Variants in TBCA observed in about 807,000 individuals in gnomAD.
TBCA encodes tubulin folding cofactor A, also known as tubulin-specific chaperone A.
A neutral mutation model predicts 15.8 loss-of-function variants in TBCA; 6 were observed. That is an observed-to-expected ratio of 0.38 (90% CI 0.21 to 0.75). TBCA has a LOEUF of 0.75. Ranked by LOEUF, TBCA falls within the 30% of genes least tolerant of loss-of-function variation. TBCA has a pLI of 0.46. For synonymous variants in TBCA, 32 were observed against 42.3 expected, an observed-to-expected ratio of 0.76 and a Z score of 0.94; for missense variants, 90 against 131.2, an observed-to-expected ratio of 0.69 and a Z score of 1.53.
chr5:77,761,354 G>C (rs1747633207), intron 1 of TBCA, among the ~76,000 whole-genome samples: 1 of 152,158 alleles, frequency 6.6e-6, no homozygotes, highest in Non-Finnish European at 1.5e-5. Context: ...CGTGCTCTCT[G>C]AAACATGTGC....
At chr5:77,729,575 G>A (rs1746714737) in intron 1 of TBCA, among the ~76,000 whole-genome samples, 1 of 152,162 alleles carries the variant, frequency 6.6e-6, no homozygotes, top group Admixed American at 6.5e-5. Flanking sequence ...TGTTTTATAA[G>A]CTTGCAATCT....
Position 77,775,480 on chromosome 5 carries a change from T to C in TBCA, c.53+725A>G, listed in dbSNP as rs149701979. ...CTGTGCCCCAACCGCCTTGGGCACA[T>C]GTCATCAGGACCTCCTGAGGCTGTG... On this transcript the variant is annotated intron_variant, in intron 1 of 3. Coordinates refer to ENST00000380377, the MANE Select transcript of TBCA (RefSeq NM_004607.3). Among the ~76,000 whole-genome samples, 370 of 152,290 alleles carry C rather than the reference T, an allele frequency of 2.4e-3. 2 individuals carry two copies. Among genetic ancestry groups the C allele is most frequent in the African/African-American group, 8.7e-3 (360 of 41,554 alleles).
chr5:77,754,211 T>A (rs1217481552), intron 1 of TBCA, among the ~76,000 whole-genome samples: 1 of 152,236 alleles, frequency 6.6e-6, no homozygotes, highest in Non-Finnish European at 1.5e-5. Flanking sequence ...CATACAAGAC[T>A]CTTTCTCACA....
At chr5:77,692,215 GA>G (rs1414051696) in intron 3 of TBCA, 1 of 984,748 alleles carries the variant, frequency 1.0e-6, no homozygotes, top group Non-Finnish European at 1.2e-6. Flanking sequence ...AAAAGATGGA[GA>G]TATACAAACA....
In TBCA at chr5:77,725,401, T is replaced by C. The variant is rs188193813; in HGVS notation, c.54-17054A>G. 2.6e-3 allele frequency among the ~76,000 whole-genome samples: 388 copies of C among 152,104 alleles called. 2 individuals carry two copies. The highest frequency in any genetic ancestry group is 4.0e-3 in the Non-Finnish European group (270 of 67,860). ...TGGTAAATGGACCACTTTTGCTTGA[T>C]TGTTAGTGAAATGTGTGCAAGCACA... On this transcript the variant is annotated intron_variant, in intron 1 of 3. Transcript: ENST00000380377.
At chr5:77,705,348 A>AT (rs1252584082) in intron 2 of TBCA, among the ~76,000 whole-genome samples, 1 of 152,216 alleles carries the variant, frequency 6.6e-6, no homozygotes, top group African/African-American at 2.4e-5. Context: ...AAACAAGCTG[A>AT]TGAAGTCCAA....
At chr5:77,721,203 A>G (rs1271053062) in intron 1 of TBCA, among the ~76,000 whole-genome samples, 1 of 152,204 alleles carries the variant, frequency 6.6e-6, no homozygotes, top group African/African-American at 2.4e-5. Context: ...TTGGTGACCT[A>G]TCAACTCAGG....
chr5:77,691,763 C>A, intron 3 of TBCA: 5 of 1,082,996 alleles, frequency 4.6e-6, no homozygotes, highest in Non-Finnish European at 5.6e-6. Flanking sequence ...AAGCTACCAG[C>A]ATTAATTAAA....
intron 1 of TBCA, among the ~76,000 whole-genome samples, chr5:77,743,834 A>G (rs73768444): frequency 0.071 from 10,812 of 152,134 alleles, 535 homozygotes; most frequent in African/African-American, 0.14. Context: ...CATTTCACAA[A>G]GTTGTGCCAG....
intron 1 of TBCA, among the ~76,000 whole-genome samples, chr5:77,724,931 ACAT>A (rs1746599690): frequency 1.3e-5 from 2 of 152,194 alleles, no homozygotes; most frequent in Admixed American, 1.3e-4. Context: ...TAAATTCGTA[ACAT>A]CATCACAGTA....
intron 1 of TBCA, among the ~76,000 whole-genome samples, chr5:77,740,069 A>G (rs1561276562): frequency 6.6e-6 from 1 of 152,322 alleles, no homozygotes; most frequent in East Asian, 1.9e-4. Context: ...TGGCAGGAGT[A>G]CTAAGCAGGG....
At chr5:77,737,707 C>T (rs971733363) in intron 1 of TBCA, among the ~76,000 whole-genome samples, 2 of 152,166 alleles carry the variant, frequency 1.3e-5, no homozygotes, top group Non-Finnish European at 2.9e-5. Context: ...AAACTATCAG[C>T]AGAAACTGAT....
At chr5:77,707,244 C>G (rs1054378466) in intron 2 of TBCA, among the ~76,000 whole-genome samples, 1 of 152,032 alleles carries the variant, frequency 6.6e-6, no homozygotes, top group Admixed American at 6.6e-5. Flanking sequence ...CAGATTTTGT[C>G]GTAAGAATAT....
intron 2 of TBCA, among the ~76,000 whole-genome samples, chr5:77,704,100 T>C (rs770153188): frequency 1.2e-4 from 18 of 152,110 alleles, no homozygotes; most frequent in Non-Finnish European, 2.5e-4. Context: ...CAAGTAAACC[T>C]TTTTTCTTTA....
intron 1 of TBCA, among the ~76,000 whole-genome samples, chr5:77,730,562 T>A (rs540972900): frequency 8.1e-5 from 6 of 73,908 alleles, no homozygotes; most frequent in East Asian, 3.1e-4. Context: ...CAAGCTCAAA[T>A]TTTTTTTTTT....
intron 2 of TBCA, among the ~76,000 whole-genome samples, chr5:77,703,018 T>G (rs1387351910): frequency 6.6e-6 from 1 of 152,202 alleles, no homozygotes; most frequent in African/African-American, 2.4e-5. Context: ...ATATATTTAA[T>G]GAAAAACATT....
Position 77,776,307 on chromosome 5 carries a change from G to C in TBCA, c.-50C>G. On this transcript the variant is annotated 5_prime_UTR_variant, in exon 1 of 4. Transcript: ENST00000380377. The stretch of plus-strand genomic sequence containing the variant: ...AGGGGCGGAGAGCCGGGGTAACCGT[G>C]GAGGGCGACGCGCAGAGGCTGCGGC... 6.4e-7 allele frequency: 1 copy of C among 1,552,746 alleles called. No homozygotes were observed. Among genetic ancestry groups the C allele is most frequent in the Non-Finnish European group, 8.7e-7 (1 of 1,148,358 alleles).
intron 1 of TBCA, among the ~76,000 whole-genome samples, chr5:77,725,580 CACG>C (rs753364903): frequency 6.6e-6 from 1 of 152,148 alleles, no homozygotes; most frequent in African/African-American, 2.4e-5. Flanking sequence ...GGGTTGTCGG[CACG>C]ACAACAAAGA....
chr5:77,743,006 T>C (rs1291685193), intron 1 of TBCA, among the ~76,000 whole-genome samples: 1 of 152,190 alleles, frequency 6.6e-6, no homozygotes, highest in Non-Finnish European at 1.5e-5. Context: ...AATTATCTAC[T>C]GTATTTTACC....
Sources: allele counts gnomAD v4.1 joint callset (sites outside exome capture counted in the v4.1 genomes callset), GRCh38; gene constraint gnomAD v4.1.1; transcripts MANE v1.5; gene names NCBI Gene and HGNC (gene_info 2026-07-23, HGNC 2026-07-21).